Variants in MTA3 observed in about 807,000 individuals in gnomAD.
MTA3 encodes metastasis-associated protein MTA3.
Under a neutral mutation model 83.5 loss-of-function variants are expected in MTA3, and 34 were observed. The ratio of observed to expected loss-of-function variants is 0.41; its 90% CI spans 0.31 to 0.54. The LOEUF (loss-of-function observed/expected upper bound fraction) is 0.54, where lower values mean the gene tolerates loss of function less well. Among genes scored for constraint, MTA3 ranks in the 20% least tolerant of loss-of-function variants. The pLI, the probability that MTA3 is intolerant of heterozygous loss-of-function variation, is 0.33. For synonymous variants in MTA3, 303 were observed against 252.7 expected (o/e 1.20, Z -1.89); for missense variants, 761 against 726.4 (o/e 1.05, Z -0.55).
intron 9 of MTA3, among the ~76,000 whole-genome samples, chr2:42,689,841 A>C (rs1449409756): frequency 2.2e-4 from 4 of 18,518 alleles, no homozygotes; most frequent in African/African-American, 1.1e-3. Context: ...AACTTTGCAA[A>C]AAAAAAAAAA....
chr2:42,582,202 C>T (rs1367264139), intron 3 of MTA3, among the ~76,000 whole-genome samples: 2 of 152,080 alleles, frequency 1.3e-5, no homozygotes, highest in Admixed American at 6.5e-5. Context: ...GGACTACAGG[C>T]GCCTGCCACC....
chr2:42,722,401 A>G (rs207461678), intron 15 of MTA3, among the ~76,000 whole-genome samples: 69 of 152,262 alleles, frequency 4.5e-4, no homozygotes, highest in African/African-American at 1.6e-3. Context: ...GGCTGCGAGT[A>G]ATTGATCCTG....
At chr2:42,699,794 G>A (rs1252349266) in intron 11 of MTA3, among the ~76,000 whole-genome samples, 1 of 152,126 alleles carries the variant, frequency 6.6e-6, no homozygotes, top group Non-Finnish European at 1.5e-5. Flanking sequence ...AATACTGGAT[G>A]TATTGGTCTT....
In MTA3 at chr2:42,517,910, G is replaced by T. The variant is rs1028515966; in HGVS notation, c.-141+22656G>T. 4.0e-5 allele frequency among the ~76,000 whole-genome samples: 6 copies of T among 151,652 alleles called. No homozygotes were observed. The South Asian group carries it at 6.3e-4, about 16-fold the overall frequency. ...GAAAAGAAAATACAGTAGAGGCTGG[G>T]CGTGGTGGCTCACGCCTGTAATCCG... On this transcript the variant is annotated intron_variant, in intron 2 of 17. Transcript: ENST00000405592.
chr2:42,582,183 G>A (rs1486938385), intron 3 of MTA3, among the ~76,000 whole-genome samples: 1 of 151,984 alleles, frequency 6.6e-6, no homozygotes, highest in Non-Finnish European at 1.5e-5. Flanking sequence ...TCAGCCTCCC[G>A]AGAAGCTGGG....
At chr2:42,596,542 T>G (rs1316347489) in intron 3 of MTA3, among the ~76,000 whole-genome samples, 1 of 152,242 alleles carries the variant, frequency 6.6e-6, no homozygotes, top group African/African-American at 2.4e-5. Context: ...ATTTGACAAG[T>G]TAATTATGTT....
chr2:42,699,606 G>A (rs1045346757), intron 11 of MTA3, among the ~76,000 whole-genome samples: 5 of 152,162 alleles, frequency 3.3e-5, no homozygotes, highest in Admixed American at 3.3e-4. Context: ...TGGAAATGGC[G>A]TGATATTTGG....
intron 14 of MTA3, among the ~76,000 whole-genome samples, chr2:42,716,858 T>C (rs1224626696): frequency 1.3e-5 from 2 of 152,204 alleles, no homozygotes; most frequent in Non-Finnish European, 2.9e-5. Context: ...AGTAGTGGGA[T>C]TGTTGGGTGA....
chr2:42,632,154 G>A (rs1372928659), intron 4 of MTA3, among the ~76,000 whole-genome samples: 1 of 137,090 alleles, frequency 7.3e-6, no homozygotes, highest in East Asian at 2.2e-4. Flanking sequence ...CAGTGGTATA[G>A]TCTCGGCTCA....
At chr2:42,524,033 A>G (rs983239413) in intron 2 of MTA3, among the ~76,000 whole-genome samples, 2 of 152,174 alleles carry the variant, frequency 1.3e-5, no homozygotes, top group African/African-American at 4.8e-5. Context: ...AACAACTAAT[A>G]TGATTGCCTC....
intron 8 of MTA3, among the ~76,000 whole-genome samples, chr2:42,668,000 G>A (rs1354189252): frequency 6.6e-6 from 1 of 152,122 alleles, no homozygotes; most frequent in African/African-American, 2.4e-5. Flanking sequence ...GTGTAGCCCG[G>A]CGCAAGTTAC....
intron 16 of MTA3, among the ~76,000 whole-genome samples, chr2:42,743,045 T>G (rs1019888710): frequency 5.3e-5 from 8 of 152,172 alleles, no homozygotes; most frequent in Non-Finnish European, 1.0e-4. Flanking sequence ...GGCTCCTCTA[T>G]CAGAGACCCT....
At chr2:42,666,954 A>G (rs1690282012) in intron 8 of MTA3, among the ~76,000 whole-genome samples, 1 of 152,186 alleles carries the variant, frequency 6.6e-6, no homozygotes, top group African/African-American at 2.4e-5. Flanking sequence ...TCTCATCACT[A>G]AGAGTGATGT....
intron 2 of MTA3, among the ~76,000 whole-genome samples, chr2:42,538,758 G>GTTT (rs148683210): frequency 0.36 from 46,669 of 128,656 alleles, 8,609 homozygotes; most frequent in South Asian, 0.43. Context: ...AGAAAAAAAT[G>GTTT]TTTTTTTTGT....
chr2:42,663,233 A>T (rs1368580980), intron 8 of MTA3, among the ~76,000 whole-genome samples: 1 of 152,040 alleles, frequency 6.6e-6, no homozygotes, highest in Non-Finnish European at 1.5e-5. Context: ...GAGATGGTGG[A>T]GAGTTCTCGT....
chr2:42,550,545 G>C (rs1046090635), intron 2 of MTA3, among the ~76,000 whole-genome samples: 1 of 152,188 alleles, frequency 6.6e-6, no homozygotes, highest in Non-Finnish European at 1.5e-5. Context: ...TGGGTGCAAG[G>C]CTTAGGCCAA....
At chr2:42,748,524 T>C (rs910678879) in intron 16 of MTA3, among the ~76,000 whole-genome samples, 3 of 152,220 alleles carry the variant, frequency 2.0e-5, no homozygotes, top group Non-Finnish European at 4.4e-5. Flanking sequence ...TTAGATTTTG[T>C]ATTTTTCAGT....
At chr2:42,734,837 A>G (rs1365316832) in intron 16 of MTA3, among the ~76,000 whole-genome samples, 1 of 152,254 alleles carries the variant, frequency 6.6e-6, no homozygotes, top group Non-Finnish European at 1.5e-5. Flanking sequence ...GCAAAGAGAA[A>G]ACTAGTGGAA....
chr2:42,752,264 C>T (rs555790218), intron 16 of MTA3: 36 of 471,426 alleles, frequency 7.6e-5, no homozygotes, highest in African/African-American at 6.6e-4. Flanking sequence ...CACAGCTCTG[C>T]TCCATCCTGC....
Sources: gnomAD v4.1 joint callset for allele counts (sites outside exome capture counted in the v4.1 genomes callset) on GRCh38, gnomAD v4.1.1 for gene constraint, MANE v1.5 for transcripts, NCBI Gene and HGNC (gene_info 2026-07-23, HGNC 2026-07-21) for gene names.